The following BMERB1 variants were observed in gnomAD, a reference collection of about 807,000 sequenced individuals.
BMERB1 encodes the protein bMERB domain-containing protein 1.
In BMERB1, 12 loss-of-function variants were observed where a neutral mutation model predicts 23.6. The observed-to-expected ratio is 0.51, with a 90% CI of 0.33 to 0.82. The LOEUF (loss-of-function observed/expected upper bound fraction) is 0.82. Among genes scored for constraint, BMERB1 ranks in the 40% least tolerant of loss-of-function variants. The pLI is 0.03. For missense variants in BMERB1, 247 were observed against 255.4 expected, an observed-to-expected ratio of 0.97 and a Z score of 0.22; for synonymous variants, 122 against 96.6, an observed-to-expected ratio of 1.26 and a Z score of -1.54.
At chr16:15,477,673 C>G (rs1051811965) in intron 1 of BMERB1, among the ~76,000 whole-genome samples, 1 of 151,352 alleles carries the variant, frequency 6.6e-6, no homozygotes, top group Admixed American at 6.6e-5. Flanking sequence ...GGTTTTCTTT[C>G]TTTTCTTTTG....
chr16:15,475,957 G>A (rs984734804), intron 1 of BMERB1, among the ~76,000 whole-genome samples: 5 of 152,104 alleles, frequency 3.3e-5, no homozygotes, highest in African/African-American at 1.2e-4. Flanking sequence ...TCATTCTCCA[G>A]CCCCTCTGAA....
At chr16:15,546,320 CACAT>C (rs1025969787) in intron 2 of BMERB1, among the ~76,000 whole-genome samples, 3 of 152,022 alleles carry the variant, frequency 2.0e-5, no homozygotes, top group Non-Finnish European at 4.4e-5. Context: ...CAAACAAAAA[CACAT>C]ACACATAAAC....
At chr16:15,497,364 G>A (rs1438764928) in intron 1 of BMERB1, among the ~76,000 whole-genome samples, 3 of 152,208 alleles carry the variant, frequency 2.0e-5, no homozygotes, top group Non-Finnish European at 2.9e-5. Flanking sequence ...TTGTCTGGAT[G>A]CTGTAATCTG....
rs148261149 is a variant in BMERB1, at chr16:15,499,971, A to T, written c.107-15334A>T. ...ATCAATATATTCAATCAATATAGTT[A>T]ATAGCAATGTGCCAATGTCAGTTTC... On this transcript the variant is annotated intron_variant, in intron 1 of 5. Transcript: ENST00000300006. Among the ~76,000 whole-genome samples, 407 of 152,348 alleles carry T rather than the reference A, an allele frequency of 2.7e-3. 4 individuals are homozygous for T. Among genetic ancestry groups the T allele is most frequent in the African/African-American group, 8.6e-3 (359 of 41,576 alleles).
At chr16:15,571,989 A>G (rs955409569) in intron 3 of BMERB1, among the ~76,000 whole-genome samples, 5 of 152,126 alleles carry the variant, frequency 3.3e-5, no homozygotes, top group East Asian at 1.9e-4. Flanking sequence ...CGGGGATCCT[A>G]TTGCTGCCTG....
chr16:15,440,003 G>A (rs1191022778), intron 1 of BMERB1, among the ~76,000 whole-genome samples: 1 of 152,080 alleles, frequency 6.6e-6, no homozygotes, highest in Non-Finnish European at 1.5e-5. Context: ...CCAGCACTTT[G>A]GGAGGCTGAG....
intron 1 of BMERB1, among the ~76,000 whole-genome samples, chr16:15,463,875 TAA>T (rs35187562): frequency 9.8e-5 from 14 of 143,108 alleles, no homozygotes; most frequent in Admixed American, 1.4e-4. Flanking sequence ...GTGTATGCTT[TAA>T]AAAAAAAAAA....
At chr16:15,452,362 G>C (rs1309847046) in intron 1 of BMERB1, among the ~76,000 whole-genome samples, 1 of 151,086 alleles carries the variant, frequency 6.6e-6, no homozygotes, top group African/African-American at 2.4e-5. Flanking sequence ...GAGAAAGAAA[G>C]AAAAAGAAAA....
chr16:15,481,704 C>T (rs1166657834), intron 1 of BMERB1, among the ~76,000 whole-genome samples: 1 of 151,498 alleles, frequency 6.6e-6, no homozygotes, highest in South Asian at 2.1e-4. Flanking sequence ...TGCTTGTGTA[C>T]TTATTTTCTT....
At chr16:15,453,966 C>T (rs1171809190) in intron 1 of BMERB1, among the ~76,000 whole-genome samples, 2 of 152,136 alleles carry the variant, frequency 1.3e-5, no homozygotes, top group Non-Finnish European at 2.9e-5. Flanking sequence ...CTCCCTTCCC[C>T]TTTCCTTCCT....
intron 1 of BMERB1, among the ~76,000 whole-genome samples, chr16:15,437,062 G>A (rs1452916132): frequency 5.3e-5 from 8 of 152,040 alleles, no homozygotes; most frequent in Admixed American, 1.3e-4. Context: ...TTTGAACCCC[G>A]GTCTGTTGGA....
chr16:15,507,152 A>T (rs2051600804), intron 1 of BMERB1, among the ~76,000 whole-genome samples: 1 of 152,190 alleles, frequency 6.6e-6, no homozygotes, highest in Non-Finnish European at 1.5e-5. Flanking sequence ...ATTGGAAAAG[A>T]TGGGCTAGGA....
intron 1 of BMERB1, among the ~76,000 whole-genome samples, chr16:15,448,780 A>G (rs1306547868): frequency 1.3e-5 from 2 of 152,182 alleles, no homozygotes; most frequent in Non-Finnish European, 2.9e-5. Flanking sequence ...CGACAGAGCA[A>G]GAATCTGTCT....
intron 1 of BMERB1, among the ~76,000 whole-genome samples, chr16:15,442,269 G>C (rs978724453): frequency 4.0e-5 from 6 of 151,772 alleles, no homozygotes; most frequent in Non-Finnish European, 8.8e-5. Flanking sequence ...GGCAGAGCTT[G>C]CAGTGAGCTG....
intron 1 of BMERB1, among the ~76,000 whole-genome samples, chr16:15,450,539 T>G (rs1353829503): frequency 3.3e-5 from 5 of 152,108 alleles, no homozygotes; most frequent in Non-Finnish European, 1.5e-5. Flanking sequence ...GGCATGATCT[T>G]GGCTCACTGC....
At chr16:15,571,974 C>A (rs996910553) in intron 3 of BMERB1, among the ~76,000 whole-genome samples, 4 of 152,258 alleles carry the variant, frequency 2.6e-5, no homozygotes, top group South Asian at 4.1e-4. Flanking sequence ...GAAAAAAGCA[C>A]AGGCCGGGGA....
chr16:15,497,235 C>T (rs1027569698), intron 1 of BMERB1, among the ~76,000 whole-genome samples: 5 of 152,106 alleles, frequency 3.3e-5, no homozygotes, highest in Admixed American at 2.0e-4. Context: ...CATCCATCTC[C>T]CTGACCAACT....
intron 1 of BMERB1, among the ~76,000 whole-genome samples, chr16:15,509,324 T>C (rs1467551616): frequency 1.3e-4 from 1 of 7,788 alleles, no homozygotes; most frequent in Non-Finnish European, 2.3e-4. Flanking sequence ...GGTTGTGGAG[T>C]GGAAGGGGGG....
At position 15,585,278 on chromosome 16, in the gene BMERB1, T is replaced by C. The variant is rs188744599; in HGVS notation, c.503-1439T>C. On this transcript the variant is annotated intron_variant, in intron 5 of 5. Coordinates refer to ENST00000300006, the MANE Select transcript of BMERB1 (RefSeq NM_033201.3). ...GAAACTTGCCTTCTCTATTGGATTA[T>C]GGGTGGAAAAAAGAAATGATTCTGG... Among the ~76,000 whole-genome samples the C allele has an allele frequency of 3.9e-5, 6 of 152,276 alleles. No individual in the cohort carries two copies. In the East Asian group the frequency reaches 5.8e-4, roughly 15 times the overall value.
Sources: allele counts gnomAD v4.1 joint callset (sites outside exome capture counted in the v4.1 genomes callset), GRCh38; gene constraint gnomAD v4.1.1; transcripts MANE v1.5; gene names NCBI Gene and HGNC (gene_info 2026-07-23, HGNC 2026-07-21).